The following HARBI1 variants were observed in gnomAD, a reference collection of about 807,000 sequenced individuals.
HARBI1 encodes the protein harbinger transposase derived 1.
In HARBI1, 15 loss-of-function variants were observed where a neutral mutation model predicts 25.3. The observed-to-expected ratio is 0.59, with a 90% confidence interval of 0.40 to 0.91. HARBI1 has a LOEUF of 0.91. Ranked by LOEUF, HARBI1 falls within the 40% of genes least tolerant of loss-of-function variation. HARBI1 has a pLI of 0.00. For missense variants in HARBI1, 396 were observed against 445.8 expected, an observed-to-expected ratio of 0.89 and a Z score of 1.01; for synonymous variants, 168 against 160.5, an observed-to-expected ratio of 1.05 and a Z score of -0.35.
chr11:46,617,714 A>T (rs2045741780), upstream of HARBI1: 1 of 397,270 alleles, frequency 2.5e-6, no homozygotes, highest in South Asian at 1.4e-4. Flanking sequence ...TAGGAGCAAA[A>T]CGTCTGGGGC....
At chr11:46,604,014 C>T (rs2044846973) in intron 2 of HARBI1, 105 bp from the exon 3 acceptor site, 1 of 1,443,356 alleles carries the variant, frequency 6.9e-7, no homozygotes, top group Non-Finnish European at 9.0e-7. Context: ...AATACAACAG[C>T]CTCTGGCGCC....
intron 2 of HARBI1, among the ~76,000 whole-genome samples, chr11:46,605,635 T>C (rs1438608117): frequency 7.1e-6 from 1 of 141,732 alleles, no homozygotes; most frequent in Non-Finnish European, 1.5e-5. Context: ...TTGCCCAGGC[T>C]GGAGTGCAGT....
intron 2 of HARBI1, among the ~76,000 whole-genome samples, chr11:46,611,393 G>A (rs780664853): frequency 2.9e-4 from 44 of 151,898 alleles, no homozygotes; most frequent in Admixed American, 2.0e-3. Flanking sequence ...AAATTTTAAG[G>A]GCTAAGTTTT....
intron 2 of HARBI1, among the ~76,000 whole-genome samples, chr11:46,612,293 A>G (rs2045213327): frequency 6.6e-6 from 1 of 152,200 alleles, no homozygotes; most frequent in Non-Finnish European, 1.5e-5. Context: ...TCTCAAAAAA[A>G]CAAAAGTTAG....
rs186618032 is a variant in HARBI1 at position 46,614,261 on chromosome 11, C to T, written c.670+1307G>A. Among the ~76,000 whole-genome samples the T allele has an allele frequency of 1.3e-5, 2 of 151,812 alleles. 1 individual carries two copies. The highest frequency in any genetic ancestry group is 4.1e-4 in the South Asian group (2 of 4,820). ...TGACCAACATGGTGAAACCCCGTCTCTACTAAAAATACAAAATTAGCTGGG... is the reference window on the plus strand; with the variant it reads ...TGACCAACATGGTGAAACCCCGTCTTTACTAAAAATACAAAATTAGCTGGG... On this transcript the variant is annotated intron_variant, in intron 2 of 2. Transcript: ENST00000326737.
chr11:46,611,192 A>G (rs2045169607), intron 2 of HARBI1, among the ~76,000 whole-genome samples: 1 of 151,864 alleles, frequency 6.6e-6, no homozygotes, highest in African/African-American at 2.4e-5. Flanking sequence ...TATTTTTAGT[A>G]GAGATGAGGT....
chr11:46,610,648 G>A (rs1280324510), intron 2 of HARBI1, among the ~76,000 whole-genome samples: 1 of 152,124 alleles, frequency 6.6e-6, no homozygotes, highest in Non-Finnish European at 1.5e-5. Context: ...GACAGAGCGA[G>A]ACTCCGTCTC....
chr11:46,610,356 T>C (rs1381546060), intron 2 of HARBI1, among the ~76,000 whole-genome samples: 1 of 147,926 alleles, frequency 6.8e-6, no homozygotes, highest in Non-Finnish European at 1.5e-5. Context: ...AATATATATA[T>C]ATATATATAA....
chr11:46,603,622 G>A lies in HARBI1; in HGVS notation c.958C>T (p.Gln320Ter), dbSNP rs369696306. 9.3e-5 allele frequency: 150 copies of A among 1,614,098 alleles called. No homozygotes were observed. The highest frequency in any genetic ancestry group is 1.2e-4 in the Non-Finnish European group (142 of 1,180,040). The change falls in exon 3 of 3, where the codon CAG becomes TAG. Residue 320 changes from glutamine (Q) to a stop codon, truncating the protein, a stop_gained. Transcript: ENST00000326737. LOFTEE classifies it high-confidence loss of function. Reference sequence around the variant, plus strand: ...TGCTCATACTCCTCTTCCGGGGGCTGTTCCATGGGTCCTGTCATTGGAGAG... The same window carrying A: ...TGCTCATACTCCTCTTCCGGGGGCTATTCCATGGGTCCTGTCATTGGAGAG... ...WSSPMTGPME[Q>*]PPEEEYEHME...
intron 2 of HARBI1, 67 bp downstream of exon 2, chr11:46,615,501 C>T: frequency 7.3e-7 from 1 of 1,373,338 alleles, no homozygotes; most frequent in Non-Finnish European, 1.0e-6. Flanking sequence ...GTGTGAGCCA[C>T]CGCCCCCAGC....
At chr11:46,611,855 G>A (rs930300456) in intron 2 of HARBI1, among the ~76,000 whole-genome samples, 2 of 152,128 alleles carry the variant, frequency 1.3e-5, no homozygotes, top group African/African-American at 4.8e-5. Context: ...GGTGTGAGTT[G>A]TATGAAAATA....
chr11:46,610,289 C>A (rs569053988), intron 2 of HARBI1, among the ~76,000 whole-genome samples: 5 of 151,576 alleles, frequency 3.3e-5, no homozygotes, highest in Admixed American at 1.3e-4. Flanking sequence ...CAGTGCACTC[C>A]AGCGTGGGTG....
At position 46,616,651 on chromosome 11, in the gene HARBI1, T is replaced by C. The variant is rs982194787; in HGVS notation, c.-144-270A>G. On this transcript the variant is annotated intron_variant, in intron 1 of 2. Transcript: ENST00000326737. ...AATAATGGAGGTGATGACATAATTA[T>C]TCACAAGGTAAAAGAGGTCGGCTTC... is the stretch of plus-strand genomic sequence containing the variant. The C allele has an allele frequency of 7.0e-6, 7 of 1,004,728 alleles. No individual in the cohort carries two copies. In the African/African-American group the frequency reaches 8.7e-5, roughly 13 times the overall value. The allele number at this position is 1,004,728 out of a possible 1,614,324, so 62.2% of individuals were successfully genotyped here.
intron 2 of HARBI1, among the ~76,000 whole-genome samples, chr11:46,605,641 G>A (rs2044914286): frequency 7.3e-6 from 1 of 136,928 alleles, no homozygotes; most frequent in South Asian, 2.3e-4. Context: ...AGGCTGGAGT[G>A]CAGTGGTGCA....
intron 2 of HARBI1, among the ~76,000 whole-genome samples, chr11:46,611,068 C>A (rs183098710): frequency 3.7e-5 from 5 of 134,554 alleles, no homozygotes; most frequent in Non-Finnish European, 7.6e-5. Context: ...AGTGCAGTGG[C>A]GTGATCTCGG....
chr11:46,606,425 AC>A (rs1343702594), intron 2 of HARBI1, among the ~76,000 whole-genome samples: 4 of 150,672 alleles, frequency 2.7e-5, no homozygotes, highest in Non-Finnish European at 5.9e-5. Context: ...CTATTCTCCT[AC>A]CTCAGTCTCC....
upstream of HARBI1, chr11:46,617,452 G>A (rs1391608813): frequency 1.0e-5 from 2 of 197,940 alleles, no homozygotes; most frequent in Non-Finnish European, 2.0e-5. Context: ...TGGATATTTT[G>A]AGGACTAAAA....
intron 2 of HARBI1, among the ~76,000 whole-genome samples, chr11:46,609,883 C>T (rs1459350577): frequency 7.1e-6 from 1 of 140,316 alleles, no homozygotes; most frequent in Non-Finnish European, 1.5e-5. Context: ...GAGTAAGTCT[C>T]ACTCTGTTGC....
intron 2 of HARBI1, 77 bp downstream of exon 2, chr11:46,615,491 G>T: frequency 8.1e-7 from 1 of 1,237,000 alleles, no homozygotes; most frequent in Non-Finnish European, 1.2e-6. Flanking sequence ...TGCTGGGGTT[G>T]TGTGAGCCAC....
Sources: gnomAD v4.1 joint callset for allele counts (sites outside exome capture counted in the v4.1 genomes callset) on GRCh38, gnomAD v4.1.1 for gene constraint, MANE v1.5 for transcripts, NCBI Gene and HGNC (gene_info 2026-07-23, HGNC 2026-07-21) for gene names.